Variants in HMGN1 observed in about 807,000 individuals in gnomAD.
The protein encoded by HMGN1 is high mobility group nucleosome binding domain 1.
In HMGN1, 9 loss-of-function variants were observed where a neutral mutation model predicts 18.4. That is an observed-to-expected ratio of 0.49 (90% confidence interval 0.29 to 0.85). The LOEUF is 0.85. HMGN1 is among the 40% of genes least tolerant of loss of function. The pLI, the probability that HMGN1 is intolerant of heterozygous loss-of-function variation, is 0.07. For missense variants in HMGN1, 151 were observed against 119.2 expected, an observed-to-expected ratio of 1.27 and a Z score of -1.24; for synonymous variants, 59 against 45.0, an observed-to-expected ratio of 1.31 and a Z score of -1.24.
Position 39,348,817 on chromosome 21 carries a change from G to C in HMGN1, c.15+86C>G, listed in dbSNP as rs955880563. On this transcript the variant is annotated intron_variant, in intron 1 of 5. Coordinates refer to ENST00000380749, the MANE Select transcript of HMGN1 (RefSeq NM_004965.7). The stretch of plus-strand genomic sequence containing the variant: ...CCTCCCGGGCCCGTCGCCACCGTGG[G>C]TGCAACGGGGCCTGGGCCTCGCGGG... 5.7e-6 allele frequency: 6 copies of C among 1,048,474 alleles called. No individual in the cohort carries two copies. In the African/African-American group the frequency reaches 1.0e-4, roughly 18 times the overall value. The allele number at this position is 1,048,474 out of a possible 1,614,324, so 64.9% of individuals were successfully genotyped here. A position where few individuals can be genotyped will look rare whatever the true frequency, so the allele number is the denominator to read the frequency against.
chr21:39,343,725 T>G (rs1005512196), intron 5 of HMGN1, among the ~76,000 whole-genome samples: 1 of 152,218 alleles, frequency 6.6e-6, no homozygotes, highest in Non-Finnish European at 1.5e-5. Flanking sequence ...GTCACGTATT[T>G]TCAGTTGATG....
At chr21:39,345,726 C>T (rs1381121184) in intron 4 of HMGN1, 8 of 707,318 alleles carry the variant, frequency 1.1e-5, no homozygotes, top group Middle Eastern at 2.8e-4. Context: ...AGTTGAATAC[C>T]GGAGGAGTCT....
intron 5 of HMGN1, 146 bp downstream of exon 5, chr21:39,345,000 T>G (rs549664392): frequency 5.7e-4 from 545 of 950,900 alleles, no homozygotes; most frequent in Admixed American, 7.1e-4. Flanking sequence ...AAACCATTTG[T>G]CCAATCACTT....
chr21:39,343,601 G>A (rs148760455), intron 5 of HMGN1, among the ~76,000 whole-genome samples: 83 of 152,308 alleles, frequency 5.4e-4, no homozygotes, highest in African/African-American at 1.3e-3. Flanking sequence ...CACAGAGAAC[G>A]TATGTGTTGG....
At position 39,345,200 on chromosome 21, in the gene HMGN1, G is replaced by A. The variant is rs778772049; in HGVS notation, c.201C>T (p.Asn67=). Residue 67 remains asparagine, a synonymous_variant, in exon 5 of 6, where the codon AAC becomes AAT. Transcript: ENST00000380749. Reference sequence around the variant, plus strand: ...CAGGTAAGTCTTCTTTAGTTTCTTGGTTAGCCACTTCGGCCTGTTTTCCCT... The same window carrying A: ...CAGGTAAGTCTTCTTTAGTTTCTTGATTAGCCACTTCGGCCTGTTTTCCCT... ...GAKGKQAEVA[N]QETKEDLPAE... 8 of 1,613,084 alleles carry A rather than the reference G, an allele frequency of 5.0e-6. No homozygotes were observed. Among genetic ancestry groups the A allele is most frequent in the Non-Finnish European group, 6.8e-6 (8 of 1,179,894 alleles).
intron 1 of HMGN1, 92 bp from the exon 2 acceptor site, chr21:39,348,669 C>A: frequency 7.0e-7 from 1 of 1,422,084 alleles, no homozygotes; most frequent in South Asian, 1.3e-5. Context: ...GGCCGCGTGA[C>A]GTCACGGCTT....
intron 4 of HMGN1, 29 bp downstream of exon 4, chr21:39,348,263 T>C (rs2037131589): frequency 1.2e-6 from 2 of 1,613,590 alleles, no homozygotes; most frequent in Non-Finnish European, 8.5e-7. Flanking sequence ...AAGGCCCCGC[T>C]GCATCCCAAT....
chr21:39,348,498 G>A (rs753270691), intron 2 of HMGN1, 47 bp from the exon 3 acceptor site: 2 of 1,613,988 alleles, frequency 1.2e-6, no homozygotes, highest in African/African-American at 1.3e-5. Flanking sequence ...AGGCAGGCCA[G>A]CGGCTCACGG....
intron 5 of HMGN1, among the ~76,000 whole-genome samples, chr21:39,344,281 TAAGAAGTAC>T (rs955815729): frequency 7.8e-5 from 10 of 127,598 alleles, no homozygotes; most frequent in South Asian, 2.4e-4. Flanking sequence ...AAAAAGGAAT[TAAGAAGTAC>T]AAGAAGTACA....
At position 39,342,487 on chromosome 21, in the gene HMGN1, C is replaced by T. The variant is rs201008932; in HGVS notation, c.*625G>A. The T allele has an allele frequency of 1.5e-5, 3 of 194,160 alleles. No homozygotes were observed. The East Asian group carries it at 4.9e-4, about 32-fold the overall frequency. The allele number at this position is 194,160 out of a possible 1,614,324, so 12.0% of individuals were successfully genotyped here. On this transcript the variant is annotated 3_prime_UTR_variant, in exon 6 of 6. Transcript: ENST00000380749. ...TTGGAAGCAAATTTTCCTTAAGAGG[C>T]TATCAAGTACCAGTATCTTCACGTT...
rs887508496 is a variant in HMGN1 at position 39,342,730 on chromosome 21, A to G, written c.*382T>C. On this transcript the variant is annotated 3_prime_UTR_variant, in exon 6 of 6. Coordinates refer to ENST00000380749, the MANE Select transcript of HMGN1 (RefSeq NM_004965.7). ...CTACTAAAAAACAACATGGTAATAG[A>G]AGTAATTTAAAATGTTCAAGACATT... 5 of 435,052 alleles carry G rather than the reference A, an allele frequency of 1.1e-5. No individual in the cohort carries two copies. The highest frequency in any genetic ancestry group is 2.0e-5 in the Non-Finnish European group (5 of 250,562). 26.9% of individuals were successfully genotyped at this position (435,052 alleles called of 1,614,324 possible). A position where few individuals can be genotyped will look rare whatever the true frequency, so the allele number is the denominator to read the frequency against.
chr21:39,346,037 A>G (rs545893235), intron 4 of HMGN1: 57 of 905,534 alleles, frequency 6.3e-5, no homozygotes, highest in Non-Finnish European at 7.1e-5. Context: ...AAAGAAACAT[A>G]AAAATACTTT....
At chr21:39,348,384 C>G (rs748539920) in intron 3 of HMGN1, 38 bp downstream of exon 3, 2 of 1,614,040 alleles carry the variant, frequency 1.2e-6, no homozygotes, top group South Asian at 2.2e-5. Context: ...CGGGACGACC[C>G]GCGGAAAACG....
chr21:39,348,180 A>T, intron 4 of HMGN1, 112 bp downstream of exon 4: 1 of 1,357,318 alleles, frequency 7.4e-7, no homozygotes, highest in Non-Finnish European at 1.0e-6. Context: ...TATTTACCGT[A>T]ATTATTAAAG....
Position 39,348,323 on chromosome 21 carries a change from A to C in HMGN1, c.95T>G (p.Val32Gly), listed in dbSNP as rs777156334. The C allele has an allele frequency of 2.0e-5, 33 of 1,613,990 alleles. No homozygotes were observed. The Middle Eastern group carries it at 4.9e-4, about 24-fold the overall frequency. ...TGCTGCCTTTTTCGGCTTCGCTTCC[A>C]CTTTTGCAGGAGGTTTCTGAAAGGC... is the stretch of plus-strand genomic sequence containing the variant. ...ARLSAKPPAK[V>G]EAKPKKAAAK... Residue 32 changes from valine to glycine, a missense_variant, in exon 4 of 6, where the codon GTG (valine) becomes GGG (glycine). Coordinates refer to ENST00000380749, the MANE Select transcript of HMGN1 (RefSeq NM_004965.7).
chr21:39,348,601 T>TAG (rs763843761), intron 1 of HMGN1, 24 bp from the exon 2 acceptor site: 36 of 1,574,834 alleles, frequency 2.3e-5, no homozygotes, highest in Non-Finnish European at 3.1e-5. Context: ...GACGCACGAA[T>TAG]AGAGGCGGGC....
chr21:39,345,418 C>G, intron 4 of HMGN1, 144 bp from the exon 5 acceptor site: 1 of 725,070 alleles, frequency 1.4e-6, no homozygotes, highest in Non-Finnish European at 2.3e-6. Context: ...ACATCTCACA[C>G]ATGAGCGTGA....
chr21:39,348,298 T>G lies in HMGN1; in HGVS notation c.120A>C (p.Ala40=). Residue 40 remains alanine (A), a synonymous_variant, in exon 4 of 6, where the codon GCA becomes GCC. Transcript: ENST00000380749. ...TGCGCGTTTCGAGGCTTACCTTCGC[T>G]GCTGCCTTTTTCGGCTTCGCTTCCA... ...AKVEAKPKKA[A]AKDKSSDKKV... 1.9e-6 allele frequency: 3 copies of G among 1,614,134 alleles called. No homozygotes were observed. The highest frequency in any genetic ancestry group is 2.5e-6 in the Non-Finnish European group (3 of 1,179,974).
chr21:39,343,085 C>T lies in HMGN1; in HGVS notation c.*27G>A. Reference sequence around the variant, plus strand: ...GATTGTACAAGAAGGGAGACAGGGACCACTGATAAGACATGGTATATGGTT... The same window carrying T: ...GATTGTACAAGAAGGGAGACAGGGATCACTGATAAGACATGGTATATGGTT... On this transcript the variant is annotated 3_prime_UTR_variant, in exon 6 of 6. Coordinates refer to ENST00000380749, the MANE Select transcript of HMGN1 (RefSeq NM_004965.7). 1 of 1,365,716 alleles carries T rather than the reference C, an allele frequency of 7.3e-7. No individual in the cohort carries two copies. The highest frequency in any genetic ancestry group is 1.2e-5 in the South Asian group (1 of 83,080). The allele number at this position is 1,365,716 out of a possible 1,614,324, so 84.6% of individuals were successfully genotyped here. A position where few individuals can be genotyped will look rare whatever the true frequency, so the allele number is the denominator to read the frequency against.
Sources: allele counts gnomAD v4.1 joint callset (sites outside exome capture counted in the v4.1 genomes callset), GRCh38; gene constraint gnomAD v4.1.1; transcripts MANE v1.5; gene names NCBI Gene and HGNC (gene_info 2026-07-23, HGNC 2026-07-21).